The following ADGRG6 variants were observed in gnomAD, a reference collection of about 807,000 sequenced individuals.
ADGRG6 encodes the protein G-protein coupled receptor 126.
In ADGRG6, 84 loss-of-function variants were observed where a neutral mutation model predicts 142.4. The ratio of observed to expected loss-of-function variants is 0.59; its 90% confidence interval spans 0.49 to 0.71. The LOEUF (loss-of-function observed/expected upper bound fraction) is 0.71. Ranked by LOEUF, ADGRG6 falls within the 30% of genes least tolerant of loss-of-function variation. The pLI is 0.00. For missense variants in ADGRG6, 1,367 were observed against 1,466.6 expected (o/e 0.93, Z 1.11); for synonymous variants, 521 against 520.5 (o/e 1.00, Z -0.01).
intron 2 of ADGRG6, among the ~76,000 whole-genome samples, chr6:142,323,782 AAGGTAC>A (rs1454710103): frequency 3.3e-5 from 5 of 152,186 alleles, no homozygotes; most frequent in African/African-American, 1.2e-4. Flanking sequence ...GTGTCTGGGA[AAGGTAC>A]AATAAAAATG....
At chr6:142,386,754 G>T (rs917005811) in intron 6 of ADGRG6, among the ~76,000 whole-genome samples, 1 of 152,132 alleles carries the variant, frequency 6.6e-6, no homozygotes, top group African/African-American at 2.4e-5. Context: ...ATCCAGTTCA[G>T]GGTAGCGGGT....
At chr6:142,385,369 C>G (rs1045669941) in intron 6 of ADGRG6, among the ~76,000 whole-genome samples, 3 of 152,076 alleles carry the variant, frequency 2.0e-5, no homozygotes, top group Admixed American at 1.3e-4. Flanking sequence ...ATGTCATCAG[C>G]GTTTAAAAAT....
Position 142,370,622 on chromosome 6 carries a change from A to G in ADGRG6, c.898A>G (p.Ile300Val), listed in dbSNP as rs1203533003. The G allele has an allele frequency of 2.5e-6, 4 of 1,613,402 alleles. No homozygotes were observed. Among genetic ancestry groups the G allele is most frequent in the South Asian group, 1.1e-5 (1 of 91,052 alleles). ...GTTGTTGGGCTCCAATCAAAATGAA[A>G]TTGTCTCTCTAAAAGGGGACATTTA... ...KLLLGSNQNE[I>V]VSLKGDIYNF... Residue 300 changes from isoleucine (I) to valine (V), a missense_variant, in exon 4 of 25, where the codon ATT (isoleucine) becomes GTT (valine). Coordinates refer to ENST00000367609, the MANE Select transcript of ADGRG6 (RefSeq NM_198569.3).
chr6:142,307,834 G>T (rs1455560211), intron 1 of ADGRG6, among the ~76,000 whole-genome samples: 1 of 151,962 alleles, frequency 6.6e-6, no homozygotes, highest in Admixed American at 6.6e-5. Flanking sequence ...ACCTTTTCCT[G>T]GTTTCGAATT....
intron 1 of ADGRG6, among the ~76,000 whole-genome samples, chr6:142,304,864 A>T (rs73576338): frequency 0.049 from 7,505 of 152,206 alleles, 597 homozygotes; most frequent in African/African-American, 0.17. Flanking sequence ...ACTAATTGAC[A>T]GGGGTGGTGC....
At chr6:142,371,505 A>G (rs1781258935) in intron 4 of ADGRG6, among the ~76,000 whole-genome samples, 1 of 131,794 alleles carries the variant, frequency 7.6e-6, no homozygotes, top group African/African-American at 2.9e-5. Flanking sequence ...TTTTTTTGAG[A>G]CAGAGTCTCG....
chr6:142,345,438 A>G (rs1779853433), intron 2 of ADGRG6, among the ~76,000 whole-genome samples: 1 of 151,992 alleles, frequency 6.6e-6, no homozygotes, highest in Non-Finnish European at 1.5e-5. Flanking sequence ...ACTATATTAA[A>G]CCTCTTAGTT....
intron 2 of ADGRG6, among the ~76,000 whole-genome samples, chr6:142,353,502 C>CT (rs1198912420): frequency 5.9e-5 from 9 of 151,952 alleles, no homozygotes; most frequent in Non-Finnish European, 1.0e-4. Context: ...TAAAAAGTTT[C>CT]TTTTTTTAAA....
At chr6:142,305,879 C>T (rs925692392) in intron 1 of ADGRG6, among the ~76,000 whole-genome samples, 2 of 149,450 alleles carry the variant, frequency 1.3e-5, no homozygotes, top group African/African-American at 4.9e-5. Flanking sequence ...AATAAAGGTA[C>T]TCAAATCGAG....
At chr6:142,328,424 T>A (rs547271807) in intron 2 of ADGRG6, among the ~76,000 whole-genome samples, 1 of 152,218 alleles carries the variant, frequency 6.6e-6, no homozygotes, top group Admixed American at 6.5e-5. Context: ...CTGGTCTCGA[T>A]CTTATGAGCT....
intron 3 of ADGRG6, among the ~76,000 whole-genome samples, chr6:142,368,946 A>C (rs1781083241): frequency 6.6e-6 from 1 of 152,040 alleles, no homozygotes. Context: ...ATGCATGTAG[A>C]ATACTGGTTC....
intron 2 of ADGRG6, among the ~76,000 whole-genome samples, chr6:142,338,083 C>T (rs1473210377): frequency 8.4e-6 from 1 of 118,910 alleles, no homozygotes; most frequent in Non-Finnish European, 1.6e-5. Flanking sequence ...TGCAGTGGCG[C>T]GATCTTGGCT....
intron 22 of ADGRG6, among the ~76,000 whole-genome samples, chr6:142,426,903 G>A (rs754619563): frequency 6.6e-6 from 1 of 152,174 alleles, no homozygotes; most frequent in Non-Finnish European, 1.5e-5. Flanking sequence ...CTTAGTGGCA[G>A]CTGGATCAGC....
chr6:142,385,726 A>G (rs934496243), intron 6 of ADGRG6, among the ~76,000 whole-genome samples: 1 of 152,176 alleles, frequency 6.6e-6, no homozygotes, highest in African/African-American at 2.4e-5. Flanking sequence ...CTAACAAAGT[A>G]TTAGAGACAG....
At chr6:142,375,923 G>A (rs988233273) in intron 4 of ADGRG6, among the ~76,000 whole-genome samples, 3 of 151,734 alleles carry the variant, frequency 2.0e-5, no homozygotes, top group East Asian at 1.9e-4. Context: ...ATACTCTAAC[G>A]ATTTTAGTAT....
At chr6:142,341,206 T>C (rs1414143126) in intron 2 of ADGRG6, among the ~76,000 whole-genome samples, 2 of 150,348 alleles carry the variant, frequency 1.3e-5, no homozygotes, top group African/African-American at 4.9e-5. Flanking sequence ...AGAGAAGAGG[T>C]TCTGGAGCTG....
At chr6:142,432,783 C>T (rs1777275650) in intron 22 of ADGRG6, among the ~76,000 whole-genome samples, 1 of 152,182 alleles carries the variant, frequency 6.6e-6, no homozygotes, top group South Asian at 2.1e-4. Context: ...ACTACCCCAA[C>T]AAGGCTAAGA....
chr6:142,405,095 C>A (rs1035312527), intron 14 of ADGRG6, among the ~76,000 whole-genome samples: 1 of 152,110 alleles, frequency 6.6e-6, no homozygotes, highest in African/African-American at 2.4e-5. Flanking sequence ...AGGATACAGG[C>A]AAGACCTTTT....
chr6:142,384,597 A>C (rs1364192509), intron 6 of ADGRG6, among the ~76,000 whole-genome samples: 1 of 152,192 alleles, frequency 6.6e-6, no homozygotes, highest in Non-Finnish European at 1.5e-5. Flanking sequence ...TTCTAATAAA[A>C]GAGAAATTCC....
Sources: gnomAD v4.1 joint callset for allele counts (sites outside exome capture counted in the v4.1 genomes callset) on GRCh38, gnomAD v4.1.1 for gene constraint, MANE v1.5 for transcripts, NCBI Gene and HGNC (gene_info 2026-07-23, HGNC 2026-07-21) for gene names.